PTPN7: variants seen among roughly 807,000 people sequenced by gnomAD.
PTPN7 encodes the protein protein tyrosine phosphatase non-receptor type 7, also known as tyrosine-protein phosphatase non-receptor type 7.
PTPN7 carries 33 observed loss-of-function variants against 50.3 expected under a neutral mutation model. That is an observed-to-expected ratio of 0.66 (90% CI 0.50 to 0.88). The LOEUF is 0.88. Among genes scored for constraint, PTPN7 ranks in the 40% least tolerant of loss-of-function variants. The pLI is 0.00. For synonymous variants in PTPN7, 185 were observed against 186.6 expected (o/e 0.99, Z 0.07); for missense variants, 412 against 475.4 (o/e 0.87, Z 1.24).
intron 5 of PTPN7, 140 bp downstream of exon 5, chr1:202,155,393 G>A (rs962246112): frequency 1.2e-6 from 1 of 815,540 alleles, no homozygotes; most frequent in South Asian, 1.7e-5. Flanking sequence ...GCCCAGCTTG[G>A]TAGGGCTATG....
At chr1:202,154,362 T>A in intron 5 of PTPN7, 39 bp from the exon 6 acceptor site, 1 of 1,588,798 alleles carries the variant, frequency 6.3e-7, no homozygotes, top group Non-Finnish European at 8.6e-7. Context: ...TGGGGAGCAG[T>A]GAGAGCAGAG....
rs572626772 is a variant in PTPN7, at chr1:202,160,509, G to A, written c.-53+36C>T. On this transcript the variant is annotated intron_variant, in intron 1 of 9. Transcript: ENST00000691036. This position sits in a 1 kb window ranked among gnomAD's most constrained non-coding sequence, Gnocchi z 4.8. ...ATCCCCGGAGTTCGCACCCCCCGGG[G>A]CCACAGGACTCCCAGTCCCCCCTTC... The A allele has an allele frequency of 1.4e-5, 22 of 1,526,130 alleles. No individual in the cohort carries two copies. In the African/African-American group the frequency reaches 1.7e-4, roughly 11 times the overall value. The allele number at this position is 1,526,130 out of a possible 1,614,324, so 94.5% of individuals were successfully genotyped here.
chr1:202,152,345 G>A lies in PTPN7; in HGVS notation c.875+197C>T, dbSNP rs1656100142. 1.3e-5 allele frequency among the ~76,000 whole-genome samples: 2 copies of A among 152,256 alleles called. 1 individual carries two copies. Among genetic ancestry groups the A allele is most frequent in the South Asian group, 4.1e-4 (2 of 4,832 alleles). On this transcript the variant is annotated intron_variant, in intron 8 of 9. Coordinates refer to ENST00000691036, the MANE Select transcript of PTPN7 (RefSeq NM_002832.4). ...TCCCCTCTATGGATGGGGCCTGGGTGTCCAGCCCAGATGTCTGGGTTCTGC... is the reference window on the plus strand; with the variant it reads ...TCCCCTCTATGGATGGGGCCTGGGTATCCAGCCCAGATGTCTGGGTTCTGC...
At chr1:202,149,650 A>G (rs1342809062) in intron 9 of PTPN7, among the ~76,000 whole-genome samples, 1 of 149,682 alleles carries the variant, frequency 6.7e-6, no homozygotes, top group African/African-American at 2.5e-5. Flanking sequence ...AAGAAGAAAG[A>G]AAAAAAAAGA....
At chr1:202,157,996 A>G in intron 3 of PTPN7, 122 bp downstream of exon 3, 1 of 1,346,032 alleles carries the variant, frequency 7.4e-7, no homozygotes, top group Non-Finnish European at 1.0e-6. Context: ...TCAGCCCTGA[A>G]GTTCTCTTTC....
In PTPN7 at chr1:202,159,984, G is replaced by A. The variant is rs4359077; in HGVS notation, c.-52-530C>T. The stretch of plus-strand genomic sequence containing the variant: ...CTGCTGCTGTTCCACTCCCAGGTCT[G>A]TTTCTGGCTTCTGGGGTCTCTGTCC... On this transcript the variant is annotated intron_variant, in intron 1 of 9. Coordinates refer to ENST00000691036, the MANE Select transcript of PTPN7 (RefSeq NM_002832.4). The surrounding 1 kb of genome is among the most constrained non-coding windows in gnomAD (Gnocchi z 4.6). 121,102 of 998,282 alleles carry A rather than the reference G, an allele frequency of 0.12. 8,048 individuals carry two copies. Among genetic ancestry groups the A allele is most frequent in the African/African-American group, 0.24 (14,051 of 57,646 alleles). 61.8% of individuals were successfully genotyped at this position (998,282 alleles called of 1,614,324 possible).
chr1:202,161,030 T>C (rs1657325692), upstream of PTPN7: 1 of 1,393,108 alleles, frequency 7.2e-7, no homozygotes, highest in Admixed American at 3.0e-5. Flanking sequence ...CAAGGCCCTC[T>C]CCCTCAAGGC....
chr1:202,152,803 G>A (rs1656185940), intron 7 of PTPN7, 104 bp from the exon 8 acceptor site: 1 of 1,346,200 alleles, frequency 7.4e-7, no homozygotes, highest in East Asian at 2.3e-5. Flanking sequence ...ACCCTGTGGG[G>A]GGGTCATCTA....
In PTPN7 at chr1:202,148,612, G is replaced by A; in HGVS notation, c.1077C>T (p.Ser359=). Residue 359 remains serine (S), a synonymous_variant, in exon 10 of 10, where the codon AGC becomes AGT. Coordinates refer to ENST00000691036, the MANE Select transcript of PTPN7 (RefSeq NM_002832.4). ...CACCGGAGGGTGGCAGGGGTCAGGG[G>A]CTGGGTTCCTCAGGCAGCTGGCCTG... ...LYAGQLPEEP[S]P is the part of the protein sequence containing the mutation. 1 of 1,613,838 alleles carries A rather than the reference G, an allele frequency of 6.2e-7. No individual in the cohort carries two copies. The highest frequency in any genetic ancestry group is 8.5e-7 in the Non-Finnish European group (1 of 1,179,838).
In PTPN7 at chr1:202,160,486, C is replaced by T. The variant is rs1571769567; in HGVS notation, c.-53+59G>A. ...CCCTCCTAGAGATGCCCTCTTATAT[C>T]CCCGGAGTTCGCACCCCCCGGGGCC... is the stretch of plus-strand genomic sequence containing the variant. On this transcript the variant is annotated intron_variant, in intron 1 of 9. Coordinates refer to ENST00000691036, the MANE Select transcript of PTPN7 (RefSeq NM_002832.4). The surrounding 1 kb of genome is among the most constrained non-coding windows in gnomAD (Gnocchi z 4.8). 6.8e-7 allele frequency: 1 copy of T among 1,480,476 alleles called. No homozygotes were observed. The allele number at this position is 1,480,476 out of a possible 1,614,324, so 91.7% of individuals were successfully genotyped here.
At chr1:202,157,679 T>C in intron 4 of PTPN7, 60 bp downstream of exon 4, 1 of 1,496,046 alleles carries the variant, frequency 6.7e-7, no homozygotes, top group Non-Finnish European at 9.3e-7. Context: ...CTTTGTCCTC[T>C]GAAGTTCTCT....
chr1:202,152,880 G>A (rs1285649885), intron 7 of PTPN7, among the ~76,000 whole-genome samples, 181 bp from the exon 8 acceptor site: 3 of 152,140 alleles, frequency 2.0e-5, no homozygotes, highest in South Asian at 2.1e-4. Context: ...TCAAAATCCC[G>A]GGAAGGAGCA....
At chr1:202,152,745 A>G in intron 7 of PTPN7, 46 bp from the exon 8 acceptor site, 4 of 1,594,840 alleles carry the variant, frequency 2.5e-6, no homozygotes, top group Non-Finnish European at 3.4e-6. Flanking sequence ...GGTGGAGGGC[A>G]CTGTCTACCT....
In PTPN7 at chr1:202,152,556, G is replaced by C. The variant is rs200658575; in HGVS notation, c.861C>G (p.Ile287Met). 2.7e-5 allele frequency: 43 copies of C among 1,612,834 alleles called. No individual in the cohort carries two copies. The highest frequency in any genetic ancestry group is 3.5e-5 in the Non-Finnish European group (41 of 1,179,978). ...GGGCCACGCACCTGCAGTGGACTAC[G>C]ATAGGCCCGGGGTGGGCGGCTGTCT... Reference protein sequence around the residue: ...SPETAAHPGPIVVHCSAGIGR... With the variant: ...SPETAAHPGPMVVHCSAGIGR... The change falls in exon 8 of 10, where the codon ATC becomes ATG. Residue 287 changes from isoleucine (I) to methionine (M), a missense_variant. Physicochemically the swap from Ile to Met is conservative, Grantham distance 10 (BLOSUM62 1). Transcript: ENST00000691036.
At chr1:202,158,770 C>T (rs1219671960) in intron 2 of PTPN7, 1 of 163,534 alleles carries the variant, frequency 6.1e-6, no homozygotes. Flanking sequence ...GGGTTTGGGC[C>T]CCTGCTGTGT....
chr1:202,154,067 A>G (rs1241805878), intron 6 of PTPN7, 119 bp downstream of exon 6: 4 of 1,341,866 alleles, frequency 3.0e-6, no homozygotes, highest in African/African-American at 1.5e-5. Context: ...TCTGAGAGGT[A>G]TGAGCTGGGG....
At chr1:202,160,710 C>T (rs76660901), upstream of PTPN7, 6,139 of 1,550,460 alleles carry the variant, frequency 4.0e-3, 237 homozygotes, top group African/African-American at 0.074. The surrounding 1 kb of genome is among the most constrained non-coding windows in gnomAD (Gnocchi z 4.8). Context: ...TGCCTGCTGC[C>T]GCTGCCACCA....
At position 202,159,609 on chromosome 1, in the gene PTPN7, A is replaced by G; in HGVS notation, c.-52-155T>C. On this transcript the variant is annotated intron_variant, in intron 1 of 9. Transcript: ENST00000691036. The surrounding 1 kb of genome is among the most constrained non-coding windows in gnomAD (Gnocchi z 4.6). ...TTTCACTAAGGGAAGGACAGGATCT[A>G]TTTGGTGGGACCCAGGGCAGAAGGC... is the stretch of plus-strand genomic sequence containing the variant. 3 of 1,480,142 alleles carry G rather than the reference A, an allele frequency of 2.0e-6. No individual in the cohort carries two copies. Among genetic ancestry groups the G allele is most frequent in the East Asian group, 4.6e-5 (2 of 43,586 alleles). 91.7% of individuals were successfully genotyped at this position (1,480,142 alleles called of 1,614,324 possible).
chr1:202,158,187 T>C lies in PTPN7; in HGVS notation c.237A>G (p.Gly79=). The change falls in exon 3 of 10, where the codon GGA becomes GGG. Residue 79 remains glycine (G), a synonymous_variant. Coordinates refer to ENST00000691036, the MANE Select transcript of PTPN7 (RefSeq NM_002832.4). ...EVTLHFLRTA[G]HPLTRWALQR... ...GAAGGGCCCAGCGGGTAAGGGGGTG[T>C]CCAGCAGTGCGCAGAAAGTGTAGGG... is the stretch of plus-strand genomic sequence containing the variant. The C allele has an allele frequency of 6.2e-7, 1 of 1,613,754 alleles. No homozygotes were observed. The highest frequency in any genetic ancestry group is 1.1e-5 in the South Asian group (1 of 91,066).
Sources: gnomAD v4.1 joint callset for allele counts (sites outside exome capture counted in the v4.1 genomes callset) on GRCh38, gnomAD v4.1.1 for gene constraint, Gnocchi (gnomAD v3.1) non-coding constraint, MANE v1.5 for transcripts, NCBI Gene and HGNC (gene_info 2026-07-23, HGNC 2026-07-21) for gene names.